ATR: variants seen among roughly 807,000 people sequenced by gnomAD.
ATR encodes the protein serine/threonine-protein kinase ATR.
Under a neutral mutation model 305.3 loss-of-function variants are expected in ATR, and 142 were observed. That is an observed-to-expected ratio of 0.47 (90% CI 0.41 to 0.53). ATR has a LOEUF of 0.53. ATR is among the 20% of genes least tolerant of loss of function. ATR has a pLI of 0.00. For synonymous variants in ATR, 1,050 were observed against 1,068.1 expected, an observed-to-expected ratio of 0.98 and a Z score of 0.33; for missense variants, 2,135 against 3,133.1, an observed-to-expected ratio of 0.68 and a Z score of 7.60.
At position 142,493,208 on chromosome 3, in the gene ATR, C is replaced by T. The variant is rs756650966; in HGVS notation, c.6002G>A (p.Arg2001Gln). 5.6e-6 allele frequency: 9 copies of T among 1,613,500 alleles called. No individual in the cohort carries two copies. The highest frequency in any genetic ancestry group is 1.7e-5 in the Admixed American group (1 of 59,930). Residue 2001 changes from arginine to glutamine, a missense_variant, in exon 35 of 47, where the codon CGA becomes CAA. Coordinates refer to ENST00000350721, the MANE Select transcript of ATR (RefSeq NM_001184.4). The stretch of plus-strand genomic sequence containing the variant: ...AAATCGGCCCACTAGTAGCATAGCT[C>T]GACCATGGATTAACATGTTCTTACC... ...PEGKNMLIHG[R>Q]AMLLVGRFME... is the part of the protein sequence containing the mutation.
intron 36 of ATR, among the ~76,000 whole-genome samples, chr3:142,480,802 C>G (rs1041380969): frequency 6.6e-6 from 1 of 152,226 alleles, no homozygotes. Flanking sequence ...ACTCCTCCCC[C>G]AGCCTTGCTG....
At chr3:142,569,386 C>A (rs1419091572) in intron 1 of ATR, among the ~76,000 whole-genome samples, 1 of 152,026 alleles carries the variant, frequency 6.6e-6, no homozygotes, top group East Asian at 1.9e-4. Flanking sequence ...AGTGGTGCAC[C>A]CATAACTCAC....
chr3:142,557,384 G>C (rs1165194358), intron 8 of ATR, among the ~76,000 whole-genome samples: 3 of 152,160 alleles, frequency 2.0e-5, no homozygotes, highest in African/African-American at 7.2e-5. Flanking sequence ...TAGGAGGTCT[G>C]ATAGTGTCCA....
chr3:142,487,035 G>A (rs1207162519), intron 35 of ATR, among the ~76,000 whole-genome samples: 1 of 151,776 alleles, frequency 6.6e-6, no homozygotes, highest in African/African-American at 2.4e-5. Context: ...GGGAGGCGGA[G>A]GCAGGAGACT....
At chr3:142,549,181 C>A (rs186430973) in intron 15 of ATR, among the ~76,000 whole-genome samples, 37 of 152,230 alleles carry the variant, frequency 2.4e-4, no homozygotes, top group Non-Finnish European at 4.1e-4. Flanking sequence ...AAGTGTGTAT[C>A]ATCAGTCAAC....
chr3:142,524,327 T>G lies in ATR; in HGVS notation c.3946-128A>C. 3 of 912,416 alleles carry G rather than the reference T, an allele frequency of 3.3e-6. No homozygotes were observed. In the South Asian group the frequency reaches 5.0e-5, roughly 15 times the overall value. 56.5% of individuals were successfully genotyped at this position (912,416 alleles called of 1,614,324 possible). On this transcript the variant is annotated intron_variant, in intron 21 of 46. Coordinates refer to ENST00000350721, the MANE Select transcript of ATR (RefSeq NM_001184.4). ...ATTGACAAAATTAAATTTCTGTATC[T>G]GCAATTTTTTCAGCTAGTTTTTGAT...
At chr3:142,557,093 A>G (rs1307281122) in intron 8 of ATR, among the ~76,000 whole-genome samples, 1 of 138,464 alleles carries the variant, frequency 7.2e-6, no homozygotes, top group Non-Finnish European at 1.5e-5. Context: ...GATATGAATC[A>G]CCTATCTTGT....
intron 24 of ATR, among the ~76,000 whole-genome samples, chr3:142,517,787 T>G (rs1336626536): frequency 6.6e-6 from 1 of 152,196 alleles, no homozygotes; most frequent in Non-Finnish European, 1.5e-5. Context: ...CTACTTCTTA[T>G]GAAGTATATG....
intron 35 of ATR, among the ~76,000 whole-genome samples, chr3:142,485,576 A>G (rs1199284559): frequency 2.6e-5 from 4 of 152,216 alleles, no homozygotes; most frequent in Non-Finnish European, 5.9e-5. Context: ...AAGATACATC[A>G]AAGTAGTGTC....
chr3:142,463,724 T>C (rs545597246), intron 41 of ATR, among the ~76,000 whole-genome samples: 1 of 152,340 alleles, frequency 6.6e-6, no homozygotes, highest in African/African-American at 2.4e-5. Flanking sequence ...CTCCTTTTCA[T>C]ATTGCTTTTG....
In ATR at chr3:142,450,518, C is replaced by A. The variant is rs1184205387; in HGVS notation, c.7762-916G>T. The A allele has an allele frequency of 5.6e-6, 9 of 1,605,340 alleles. No homozygotes were observed. In the East Asian group the frequency reaches 2.0e-4, roughly 36 times the overall value. ...CATCAGGATCCTTGTGAGGCTATTTCTCATATCCAGAAAATCAGATCAAGG... is the reference window on the plus strand; with the variant it reads ...CATCAGGATCCTTGTGAGGCTATTTATCATATCCAGAAAATCAGATCAAGG... On this transcript the variant is annotated intron_variant, in intron 46 of 46. Coordinates refer to ENST00000350721, the MANE Select transcript of ATR (RefSeq NM_001184.4).
At chr3:142,475,249 G>T (rs1293194999) in intron 36 of ATR, among the ~76,000 whole-genome samples, 1 of 151,440 alleles carries the variant, frequency 6.6e-6, no homozygotes, top group Non-Finnish European at 1.5e-5. Flanking sequence ...CCCTCCCCCA[G>T]CCCCTCACCC....
intron 23 of ATR, among the ~76,000 whole-genome samples, chr3:142,521,027 C>T (rs1006211322): frequency 4.6e-5 from 7 of 152,140 alleles, no homozygotes; most frequent in South Asian, 4.1e-4. Context: ...TGCTCATTGA[C>T]GATTCCATAC....
intron 27 of ATR, among the ~76,000 whole-genome samples, chr3:142,511,356 T>TA (rs1353656622): frequency 5.9e-5 from 9 of 152,152 alleles, no homozygotes; most frequent in African/African-American, 2.2e-4. Context: ...CTAAGGGAGA[T>TA]AATATTAACC....
intron 1 of ATR, among the ~76,000 whole-genome samples, chr3:142,572,372 C>CTTTTTTTTTTTTTTT (rs11318957): frequency 1.8e-5 from 1 of 56,810 alleles, no homozygotes; most frequent in Non-Finnish European, 3.2e-5. Flanking sequence ...CCCGGCCTGA[C>CTTTTTTTTTTTTTTT]TTTTTTTTTT....
At chr3:142,486,959 C>CAAAAAAAAAAAAAA (rs60024459) in intron 35 of ATR, among the ~76,000 whole-genome samples, 3 of 69,698 alleles carry the variant, frequency 4.3e-5, no homozygotes, top group Non-Finnish European at 7.5e-5. Context: ...ACTAAAAATA[C>CAAAAAAAAAAAAAA]AAAAAAAAAA....
intron 36 of ATR, among the ~76,000 whole-genome samples, chr3:142,483,394 G>A (rs182248987): frequency 3.9e-5 from 6 of 152,074 alleles, no homozygotes; most frequent in East Asian, 1.9e-4. Flanking sequence ...ATAATACACC[G>A]ATATATGAAA....
chr3:142,519,542 C>T (rs111557491), intron 24 of ATR, 127 bp downstream of exon 24: 118 of 692,750 alleles, frequency 1.7e-4, no homozygotes, highest in African/African-American at 1.3e-3. Context: ...CCTCGTGATC[C>T]GCCCGCCTCA....
At chr3:142,525,123 C>G (rs1357906600) in intron 21 of ATR, among the ~76,000 whole-genome samples, 1 of 152,078 alleles carries the variant, frequency 6.6e-6, no homozygotes, top group Non-Finnish European at 1.5e-5. Flanking sequence ...GCCTCCCCAC[C>G]CCCACACATA....
Sources: allele counts gnomAD v4.1 joint callset (sites outside exome capture counted in the v4.1 genomes callset), GRCh38; gene constraint gnomAD v4.1.1; transcripts MANE v1.5; gene names NCBI Gene and HGNC (gene_info 2026-07-23, HGNC 2026-07-21).